MRAS: variants seen among roughly 807,000 people sequenced by gnomAD.
The protein encoded by MRAS is muscle RAS oncogene homolog.
A neutral mutation model predicts 20.9 loss-of-function variants in MRAS; 4 were observed. The observed-to-expected ratio is 0.19, with a 90% confidence interval of 0.09 to 0.44. The LOEUF (loss-of-function observed/expected upper bound fraction) is 0.44, where lower values mean the gene tolerates loss of function less well. Among genes scored for constraint, MRAS ranks in the 20% least tolerant of loss-of-function variants. The probability of loss-of-function intolerance (pLI) is 0.99; values close to 1 mark genes in which losing one functional copy is unlikely to be tolerated. For missense variants in MRAS, 154 were observed against 277.5 expected (o/e 0.56, Z 3.16); for synonymous variants, 98 against 102.9 (o/e 0.95, Z 0.29).
At position 138,402,333 on chromosome 3, in the gene MRAS, A is replaced by T. The variant is rs1251096871; in HGVS notation, c.*64A>T. The T allele has an allele frequency of 6.7e-6, 9 of 1,351,866 alleles. No individual in the cohort carries two copies. The South Asian group carries it at 9.7e-5, about 15-fold the overall frequency. The allele number at this position is 1,351,866 out of a possible 1,614,324, so 83.7% of individuals were successfully genotyped here. A position where few individuals can be genotyped will look rare whatever the true frequency, so the allele number is the denominator to read the frequency against. ...CAGCCCTCGGGACCCCTCCCCACCT[A>T]ACTGCACTGAAACCATTTCTAACCA... On this transcript the variant is annotated 3_prime_UTR_variant, in exon 6 of 6. Transcript: ENST00000423968.
intron 1 of MRAS, among the ~76,000 whole-genome samples, chr3:138,360,266 G>A (rs2054418542): frequency 6.6e-6 from 1 of 152,244 alleles, no homozygotes; most frequent in African/African-American, 2.4e-5. Flanking sequence ...GCAGGGGCCT[G>A]TGAGATGCAG....
At chr3:138,360,247 G>A (rs778111872) in intron 1 of MRAS, among the ~76,000 whole-genome samples, 5 of 152,232 alleles carry the variant, frequency 3.3e-5, no homozygotes, top group Admixed American at 6.5e-5. Context: ...GAAAGCATCC[G>A]TCTCTCAGGC....
In MRAS at chr3:138,403,523, G is replaced by A. The variant is rs1289640400; in HGVS notation, c.*1254G>A. ...TTTTGGCAATTTTTATTGACCTGTT[G>A]AATCTTGACTATAAAATGATCTGAG... On this transcript the variant is annotated 3_prime_UTR_variant, in exon 6 of 6. Coordinates refer to ENST00000423968, the MANE Select transcript of MRAS (RefSeq NM_001085049.3). 6.5e-6 allele frequency: 1 copy of A among 152,744 alleles called. No homozygotes were observed. Among genetic ancestry groups the A allele is most frequent in the East Asian group, 1.9e-4 (1 of 5,190 alleles). The allele number at this position is 152,744 out of a possible 1,614,324, so 9.5% of individuals were successfully genotyped here. A position where few individuals can be genotyped will look rare whatever the true frequency, so the allele number is the denominator to read the frequency against.
chr3:138,380,185 T>A (rs2054869994), intron 2 of MRAS, among the ~76,000 whole-genome samples: 1 of 152,228 alleles, frequency 6.6e-6, no homozygotes, highest in African/African-American at 2.4e-5. Context: ...GCCCTTTAAA[T>A]CAGAATTTTA....
rs182571622 is a variant in MRAS at position 138,373,185 on chromosome 3, T to C, written c.193+109T>C. ...GATGGTTTCCTTAATGTTGCTGTTA[T>C]GGGATGGTTGATATAAAGCCGTGTG... On this transcript the variant is annotated intron_variant, in intron 2 of 5. Coordinates refer to ENST00000423968, the MANE Select transcript of MRAS (RefSeq NM_001085049.3). The C allele has an allele frequency of 6.7e-4, 696 of 1,031,294 alleles. 1 individual carries two copies. The highest frequency in any genetic ancestry group is 3.0e-3 in the Middle Eastern group (9 of 3,000). The allele number at this position is 1,031,294 out of a possible 1,614,324, so 63.9% of individuals were successfully genotyped here. A position where few individuals can be genotyped will look rare whatever the true frequency, so the allele number is the denominator to read the frequency against.
At chr3:138,360,242 C>T (rs935135250) in intron 1 of MRAS, among the ~76,000 whole-genome samples, 3 of 152,218 alleles carry the variant, frequency 2.0e-5, no homozygotes, top group Admixed American at 6.5e-5. Flanking sequence ...AGTCAGAAAG[C>T]ATCCGTCTCT....
intron 1 of MRAS, among the ~76,000 whole-genome samples, chr3:138,352,940 T>C (rs2054257530): frequency 6.6e-6 from 1 of 152,068 alleles, no homozygotes; most frequent in South Asian, 2.1e-4. Flanking sequence ...AGATAAAATA[T>C]ACACGTGAAA....
At chr3:138,358,334 C>CTCAA (rs56330132) in intron 1 of MRAS, among the ~76,000 whole-genome samples, 70 of 137,194 alleles carry the variant, frequency 5.1e-4, no homozygotes, top group Middle Eastern at 3.6e-3. Flanking sequence ...AAGACTCTCT[C>CTCAA]AAAAAAAAAA....
intron 2 of MRAS, among the ~76,000 whole-genome samples, chr3:138,395,621 C>G (rs2055220408): frequency 6.6e-6 from 1 of 152,172 alleles, no homozygotes; most frequent in Non-Finnish European, 1.5e-5. Flanking sequence ...TCCTCCTTCC[C>G]TACCCAAAAT....
chr3:138,397,745 A>G (rs904343425), intron 3 of MRAS, among the ~76,000 whole-genome samples: 2 of 152,246 alleles, frequency 1.3e-5, no homozygotes, highest in African/African-American at 4.8e-5. Flanking sequence ...TTAAAGACAG[A>G]AAAAAATCTA....
chr3:138,357,844 C>A (rs917082137), intron 1 of MRAS, among the ~76,000 whole-genome samples: 1 of 152,184 alleles, frequency 6.6e-6, no homozygotes, highest in Non-Finnish European at 1.5e-5. Flanking sequence ...TGTCAGACAC[C>A]CTCCCCTTGC....
chr3:138,351,273 C>G (rs2054221736), intron 1 of MRAS, among the ~76,000 whole-genome samples: 1 of 152,092 alleles, frequency 6.6e-6, no homozygotes, highest in African/African-American at 2.4e-5. Context: ...GTAGTTTGTA[C>G]AAGCATACTC....
intron 1 of MRAS, among the ~76,000 whole-genome samples, chr3:138,367,386 C>A (rs2054582441): frequency 6.6e-6 from 1 of 152,194 alleles, no homozygotes; most frequent in Non-Finnish European, 1.5e-5. Context: ...CACAGTGGAA[C>A]TCCGGCTGCC....
At chr3:138,348,815 C>T (rs1234954306) in intron 1 of MRAS, 48 bp downstream of exon 1, 1 of 151,414 alleles carries the variant, frequency 6.6e-6, no homozygotes, top group African/African-American at 2.4e-5. Flanking sequence ...GCCGCGCCGC[C>T]TCTCGCCCCG....
chr3:138,353,406 C>G (rs115586929), intron 1 of MRAS, among the ~76,000 whole-genome samples: 1,806 of 152,236 alleles, frequency 0.012, 18 homozygotes, highest in Non-Finnish European at 0.018. Flanking sequence ...TCCCTGACAG[C>G]CCATTAGGGG....
rs945746410 is a variant in MRAS, at chr3:138,357,337, CCCTT to C, written c.-19+8574_-19+8577del. On this transcript the variant is annotated intron_variant, in intron 1 of 5. Transcript: ENST00000423968. ...TGGGGACTCAGGGACTTTCAGTCCT[CCCTT>C]CCTGAAGGAACCCTCTGCTCCAGTT... Among the ~76,000 whole-genome samples the C allele has an allele frequency of 7.9e-5, 12 of 152,208 alleles. 1 individual carries two copies.
chr3:138,359,877 T>C (rs1316811166), intron 1 of MRAS, among the ~76,000 whole-genome samples: 1 of 152,210 alleles, frequency 6.6e-6, no homozygotes, highest in East Asian at 1.9e-4. Flanking sequence ...AGAGTGTTGA[T>C]TTATTTGGGT....
At position 138,403,964 on chromosome 3, in the gene MRAS, T is replaced by G. The variant is rs569565898; in HGVS notation, c.*1695T>G. On this transcript the variant is annotated 3_prime_UTR_variant, in exon 6 of 6. Transcript: ENST00000423968. ...ACTGAGGGGCCCAGCTGGAGAATGA[T>G]TCTGCTACAAAAGGAGACAGTTGAG... is the stretch of plus-strand genomic sequence containing the variant. The G allele has an allele frequency of 2.6e-5, 4 of 152,320 alleles. No homozygotes were observed. The East Asian group carries it at 7.7e-4, about 29-fold the overall frequency. 9.4% of individuals were successfully genotyped at this position (152,320 alleles called of 1,614,324 possible).
chr3:138,352,217 C>A (rs2054243084), intron 1 of MRAS, among the ~76,000 whole-genome samples: 1 of 152,218 alleles, frequency 6.6e-6, no homozygotes, highest in Admixed American at 6.5e-5. Flanking sequence ...ACTCGCCATG[C>A]ATTCAATGGT....
Sources: allele counts gnomAD v4.1 joint callset (sites outside exome capture counted in the v4.1 genomes callset), GRCh38; gene constraint gnomAD v4.1.1; transcripts MANE v1.5; gene names NCBI Gene and HGNC (gene_info 2026-07-23, HGNC 2026-07-21).